Variants in CFAP299 observed in about 807,000 individuals in gnomAD.
CFAP299 encodes the protein cilia and flagella associated protein 299.
Under a neutral mutation model 27.0 loss-of-function variants are expected in CFAP299, and 21 were observed. The observed-to-expected ratio is 0.78, with a 90% CI of 0.55 to 1.12. CFAP299 has a LOEUF of 1.12. Among genes scored for constraint, CFAP299 ranks in the 50% most tolerant of loss-of-function variants. The probability of loss-of-function intolerance (pLI) is 0.00; values close to 1 mark genes in which losing one functional copy is unlikely to be tolerated. For missense variants in CFAP299, 310 were observed against 276.6 expected (o/e 1.12, Z -0.86); for synonymous variants, 104 against 98.1 (o/e 1.06, Z -0.36).
chr4:80,645,487 A>G (rs1284921109), intron 3 of CFAP299, among the ~76,000 whole-genome samples: 1 of 152,270 alleles, frequency 6.6e-6, no homozygotes, highest in African/African-American at 2.4e-5. Context: ...ACATAAATAC[A>G]CACATATGTA....
At chr4:80,400,383 A>C (rs1578402549) in intron 2 of CFAP299, among the ~76,000 whole-genome samples, 1 of 152,226 alleles carries the variant, frequency 6.6e-6, no homozygotes, top group African/African-American at 2.4e-5. Flanking sequence ...CCCAAATCTC[A>C]GCTTGAATTG....
chr4:80,591,104 A>AT (rs1339201630), intron 3 of CFAP299, among the ~76,000 whole-genome samples: 52,948 of 115,434 alleles, frequency 0.46, 15,356 homozygotes, highest in Admixed American at 0.59. Context: ...TACTTTAGGA[A>AT]ATTTTTTTTT....
chr4:80,784,348 C>T (rs1727113641), intron 3 of CFAP299, among the ~76,000 whole-genome samples: 1 of 152,112 alleles, frequency 6.6e-6, no homozygotes, highest in Admixed American at 6.6e-5. Flanking sequence ...TTCACACCCT[C>T]GCCAACACTT....
At chr4:80,869,261 AC>A (rs1394011270) in intron 3 of CFAP299, among the ~76,000 whole-genome samples, 1 of 152,128 alleles carries the variant, frequency 6.6e-6, no homozygotes, top group Non-Finnish European at 1.5e-5. Context: ...ATAAGAATGC[AC>A]CCAGGAATAA....
At chr4:80,631,253 A>C (rs1161228082) in intron 3 of CFAP299, among the ~76,000 whole-genome samples, 1 of 152,002 alleles carries the variant, frequency 6.6e-6, no homozygotes, top group Non-Finnish European at 1.5e-5. Flanking sequence ...TATTTTTATA[A>C]GAAACATTTG....
At chr4:80,515,365 C>A (rs1468118006) in intron 2 of CFAP299, among the ~76,000 whole-genome samples, 3 of 152,130 alleles carry the variant, frequency 2.0e-5, no homozygotes, top group African/African-American at 7.2e-5. Context: ...ATTATCCAAG[C>A]TGGCTGTCTT....
intron 2 of CFAP299, among the ~76,000 whole-genome samples, chr4:80,440,173 G>A (rs944272565): frequency 5.9e-5 from 9 of 152,146 alleles, no homozygotes; most frequent in Non-Finnish European, 1.0e-4. Flanking sequence ...AAAGAGCAGC[G>A]GATCTCTCAG....
rs1442396904 is a variant in CFAP299 at position 80,414,257 on chromosome 4, A to T, written c.242+51373A>T. Reference sequence around the variant, plus strand: ...GGCTAATTTTTTGTATTTTTAGTAGAGACGGGGTTTCACCGTTTTAGCCAG... The same window carrying T: ...GGCTAATTTTTTGTATTTTTAGTAGTGACGGGGTTTCACCGTTTTAGCCAG... On this transcript the variant is annotated intron_variant, in intron 2 of 5. Transcript: ENST00000358105. Among the ~76,000 whole-genome samples the T allele has an allele frequency of 4.0e-5, 6 of 151,258 alleles. No individual in the cohort carries two copies. In the East Asian group the frequency reaches 1.2e-3, roughly 29 times the overall value.
intron 2 of CFAP299, among the ~76,000 whole-genome samples, chr4:80,544,605 A>G (rs560356556): frequency 6.6e-4 from 101 of 152,220 alleles, no homozygotes; most frequent in Non-Finnish European, 7.2e-4. Flanking sequence ...ACCAACAATG[A>G]TCAAAAAGGA....
At chr4:80,492,989 T>A (rs568207203) in intron 2 of CFAP299, among the ~76,000 whole-genome samples, 57 of 152,152 alleles carry the variant, frequency 3.7e-4, no homozygotes, top group Middle Eastern at 3.4e-3. Context: ...CACAGTCAGG[T>A]GAGTTATCTC....
At chr4:80,754,539 G>A (rs1200339762) in intron 3 of CFAP299, among the ~76,000 whole-genome samples, 2 of 138,734 alleles carry the variant, frequency 1.4e-5, no homozygotes, top group Non-Finnish European at 3.0e-5. Context: ...AGGGGAAAGT[G>A]AGAGGATGGA....
At chr4:80,883,312 G>C (rs923924915) in intron 4 of CFAP299, among the ~76,000 whole-genome samples, 1 of 151,768 alleles carries the variant, frequency 6.6e-6, no homozygotes, top group Non-Finnish European at 1.5e-5. Context: ...TAAAGAGAAG[G>C]AATCAAAGCA....
At chr4:80,552,439 C>A (rs1734569402) in intron 2 of CFAP299, among the ~76,000 whole-genome samples, 1 of 152,056 alleles carries the variant, frequency 6.6e-6, no homozygotes, top group African/African-American at 2.4e-5. Flanking sequence ...CCTGAGCCAG[C>A]CAGGTGAAAT....
intron 2 of CFAP299, among the ~76,000 whole-genome samples, chr4:80,384,089 A>G (rs536009156): frequency 6.6e-6 from 1 of 152,208 alleles, no homozygotes; most frequent in Admixed American, 6.5e-5. Context: ...GATAAGACTC[A>G]TTCTTCCTCC....
intron 3 of CFAP299, among the ~76,000 whole-genome samples, chr4:80,668,158 A>ATT (rs33953018): frequency 0.11 from 15,866 of 149,640 alleles, 978 homozygotes; most frequent in Middle Eastern, 0.19. Context: ...TTTTAAATAA[A>ATT]TTTTTTTTTT....
intron 3 of CFAP299, among the ~76,000 whole-genome samples, chr4:80,587,687 G>C (rs1434986367): frequency 6.6e-6 from 1 of 152,006 alleles, no homozygotes; most frequent in Non-Finnish European, 1.5e-5. Context: ...AGATCTCCTG[G>C]GCTCAAGTAT....
intron 2 of CFAP299, among the ~76,000 whole-genome samples, chr4:80,447,819 C>T (rs1309453213): frequency 1.3e-5 from 2 of 152,182 alleles, no homozygotes; most frequent in Non-Finnish European, 2.9e-5. Context: ...ACCCCATCCC[C>T]ATCCCCGCTT....
At chr4:80,554,964 C>T (rs984663523) in intron 2 of CFAP299, among the ~76,000 whole-genome samples, 1 of 152,144 alleles carries the variant, frequency 6.6e-6, no homozygotes, top group Non-Finnish European at 1.5e-5. Context: ...GTTTGACTTC[C>T]TCTCTTCCTA....
chr4:80,433,705 A>G (rs1481862030), intron 2 of CFAP299, among the ~76,000 whole-genome samples: 1 of 152,124 alleles, frequency 6.6e-6, no homozygotes, highest in Non-Finnish European at 1.5e-5. Context: ...ATAAATAAGT[A>G]GTAATTAATT....
Sources: allele counts gnomAD v4.1 joint callset (sites outside exome capture counted in the v4.1 genomes callset), GRCh38; gene constraint gnomAD v4.1.1; transcripts MANE v1.5; gene names NCBI Gene and HGNC (gene_info 2026-07-23, HGNC 2026-07-21).